Variants in RYR1 observed in about 807,000 individuals in gnomAD.
RYR1 encodes central core disease of muscle.
In RYR1, 342 loss-of-function variants were observed where a neutral mutation model predicts 583.5. The ratio of observed to expected loss-of-function variants is 0.59; its 90% CI spans 0.54 to 0.64. RYR1 has a LOEUF of 0.64. Ranked by LOEUF, RYR1 falls within the 30% of genes least tolerant of loss-of-function variation. The pLI is 0.00. For synonymous variants in RYR1, 2,791 were observed against 2,822.5 expected (o/e 0.99, Z 0.35); for missense variants, 6,032 against 6,917.2 (o/e 0.87, Z 4.54).
rs1436360468 is a variant in RYR1, at chr19:38,526,661, C to T, written c.10627-332C>T. Among the ~76,000 whole-genome samples, 2 of 151,456 alleles carry T rather than the reference C, an allele frequency of 1.3e-5. 1 individual carries two copies. The highest frequency in any genetic ancestry group is 4.2e-4 in the South Asian group (2 of 4,800). On this transcript the variant is annotated intron_variant, in intron 71 of 105. Transcript: ENST00000359596. ...GCTGACCCCTTCTGATCTTCAAAGA[C>T]TCCCTGCCCCACTCTGACCCCCCAG... is the stretch of plus-strand genomic sequence containing the variant.
At chr19:38,556,404 C>A (rs1160365636) in intron 89 of RYR1, among the ~76,000 whole-genome samples, 4 of 151,630 alleles carry the variant, frequency 2.6e-5, no homozygotes, top group Non-Finnish European at 4.4e-5. Context: ...ATCTCTTGAA[C>A]CTTGGAGGTT....
intron 98 of RYR1, 46 bp from the exon 99 acceptor site, chr19:38,578,098 C>T (rs772731476): frequency 1.2e-6 from 2 of 1,613,442 alleles, no homozygotes; most frequent in African/African-American, 2.7e-5. Flanking sequence ...GGGGAGGTGA[C>T]TGGAGTCTGA....
rs375434412 is a variant in RYR1 at position 38,446,670 on chromosome 19, C to T, written c.726-24C>T. 5 of 1,611,806 alleles carry T rather than the reference C, an allele frequency of 3.1e-6. No individual in the cohort carries two copies. The African/African-American group carries it at 4.0e-5, about 13-fold the overall frequency. Reference sequence around the variant, plus strand: ...AGATTCCGGGGAGCTGAACCCTTGACTTCACTCTCTTCTGTGTCCCCAGAC... The same window carrying T: ...AGATTCCGGGGAGCTGAACCCTTGATTTCACTCTCTTCTGTGTCCCCAGAC... On this transcript the variant is annotated intron_variant, in intron 8 of 105. Transcript: ENST00000359596.
intron 39 of RYR1, among the ~76,000 whole-genome samples, chr19:38,495,747 C>T (rs1482862677): frequency 1.3e-5 from 2 of 152,140 alleles, no homozygotes; most frequent in Non-Finnish European, 2.9e-5. Context: ...GGGACCCTTC[C>T]TCCCACAGTG....
rs115411422 is a variant in RYR1, at chr19:38,467,026, A to G, written c.3179-584A>G. 6.3e-3 allele frequency among the ~76,000 whole-genome samples: 963 copies of G among 152,240 alleles called. 11 individuals carry two copies. The highest frequency in any genetic ancestry group is 0.022 in the African/African-American group (910 of 41,546). On this transcript the variant is annotated intron_variant, in intron 24 of 105. Coordinates refer to ENST00000359596, the MANE Select transcript of RYR1 (RefSeq NM_000540.3). ...CCTTTGACTCTGATTCCTGACCTCT[A>G]GCTTTGATCCCTAATCACTAATCTC...
chr19:38,573,382 C>CA, intron 96 of RYR1, 75 bp downstream of exon 96: 2 of 1,559,336 alleles, frequency 1.3e-6, no homozygotes, highest in East Asian at 2.3e-5. Flanking sequence ...GCCTGGACCC[C>CA]AAAAAACTAG....
At chr19:38,492,334 C>T (rs867094368) in intron 37 of RYR1, among the ~76,000 whole-genome samples, 156 bp from the exon 38 acceptor site, 1 of 148,026 alleles carries the variant, frequency 6.8e-6, no homozygotes. Flanking sequence ...TACTGCTCTC[C>T]ACTGCAACAG....
chr19:38,544,985 G>A (rs1972359966), intron 87 of RYR1, among the ~76,000 whole-genome samples: 1 of 151,986 alleles, frequency 6.6e-6, no homozygotes, highest in South Asian at 2.1e-4. Context: ...GTCTCCCTGG[G>A]CTGGAAAAAA....
intron 78 of RYR1, among the ~76,000 whole-genome samples, chr19:38,533,115 A>G (rs1003310997): frequency 2.6e-5 from 4 of 152,058 alleles, no homozygotes; most frequent in African/African-American, 9.7e-5. Context: ...AGCCTGCAGG[A>G]AAATGTATCA....
chr19:38,528,269 G>A (rs745497085), intron 73 of RYR1, 37 bp from the exon 74 acceptor site: 6 of 1,561,160 alleles, frequency 3.8e-6, no homozygotes, highest in South Asian at 1.1e-5. Context: ...GAGGGGCAGG[G>A]TCTGGGGATG....
At chr19:38,451,188 G>A (rs1967056917) in intron 11 of RYR1, among the ~76,000 whole-genome samples, 1 of 152,350 alleles carries the variant, frequency 6.6e-6, no homozygotes, top group South Asian at 2.1e-4. Flanking sequence ...TTGAATACAT[G>A]AGCCAAGGGC....
chr19:38,525,328 A>G lies in RYR1; in HGVS notation c.10456-4A>G. 2 of 1,613,812 alleles carry G rather than the reference A, an allele frequency of 1.2e-6. No individual in the cohort carries two copies. The highest frequency in any genetic ancestry group is 1.1e-5 in the South Asian group (1 of 91,072). Reference sequence around the variant, plus strand: ...GGCTGGTGCTGAGCCCTGTGTCCCCACAGTCCGGTGGCTCGGACCAGGAAC... The same window carrying G: ...GGCTGGTGCTGAGCCCTGTGTCCCCGCAGTCCGGTGGCTCGGACCAGGAAC... On this transcript the variant is annotated splice_region_variant and splice_polypyrimidine_tract_variant and intron_variant, in intron 70 of 105. Coordinates refer to ENST00000359596, the MANE Select transcript of RYR1 (RefSeq NM_000540.3).
chr19:38,478,667 A>G, intron 31 of RYR1, 67 bp downstream of exon 31: 5 of 1,556,816 alleles, frequency 3.2e-6, no homozygotes, highest in Non-Finnish European at 4.4e-6. Flanking sequence ...GCTCTTATAG[A>G]TGTCCCCTGA....
chr19:38,580,544 G>C, intron 101 of RYR1, 40 bp downstream of exon 101: 2 of 1,612,062 alleles, frequency 1.2e-6, no homozygotes, highest in Non-Finnish European at 1.7e-6. Context: ...CTTCCTTCTC[G>C]CATCTGTTGA....
chr19:38,545,214 G>A (rs867262951), intron 87 of RYR1, among the ~76,000 whole-genome samples: 2 of 152,178 alleles, frequency 1.3e-5, no homozygotes, highest in Admixed American at 6.5e-5. Context: ...CAGGAGGTAG[G>A]GTTAGCCCCA....
At chr19:38,537,306 C>A (rs958272228) in intron 83 of RYR1, among the ~76,000 whole-genome samples, 15 of 152,160 alleles carry the variant, frequency 9.9e-5, no homozygotes, top group African/African-American at 3.4e-4. Context: ...CCCTACCGCC[C>A]ACCATGATTT....
chr19:38,470,374 G>A (rs1260891479), intron 27 of RYR1, among the ~76,000 whole-genome samples: 1 of 151,316 alleles, frequency 6.6e-6, no homozygotes, highest in Non-Finnish European at 1.5e-5. Flanking sequence ...GGAGGTCGAG[G>A]CTGCAGTAAG....
At position 38,458,073 on chromosome 19, in the gene RYR1, G is replaced by T; in HGVS notation, c.1948G>T (p.Gly650Cys). ...VTSIRPNIFV[G>C]RAEGTTQYSK... ...CAGCATCCGCCCCAACATCTTTGTG[G>T]GCCGAGCGGAAGGCACCACGCAGTA... Residue 650 changes from glycine (G) to cysteine (C), a missense_variant, in exon 18 of 106, where the codon GGC (glycine) becomes TGC (cysteine). Physicochemically the swap from Gly to Cys is radical, Grantham distance 159. Coordinates refer to ENST00000359596, the MANE Select transcript of RYR1 (RefSeq NM_000540.3). 1 of 1,613,630 alleles carries T rather than the reference G, an allele frequency of 6.2e-7. No individual in the cohort carries two copies. The highest frequency in any genetic ancestry group is 1.1e-5 in the South Asian group (1 of 91,056).
At chr19:38,572,909 C>G (rs375129811) in intron 95 of RYR1, among the ~76,000 whole-genome samples, 2 of 150,560 alleles carry the variant, frequency 1.3e-5, no homozygotes, top group Admixed American at 6.7e-5. Context: ...CCCCCTATCC[C>G]GGCCCTGACC....
Sources: allele counts gnomAD v4.1 joint callset (sites outside exome capture counted in the v4.1 genomes callset), GRCh38; gene constraint gnomAD v4.1.1; transcripts MANE v1.5; gene names NCBI Gene and HGNC (gene_info 2026-07-23, HGNC 2026-07-21).